Variants in CRADD observed in about 807,000 individuals in gnomAD.
CRADD encodes death domain-containing protein CRADD.
CRADD carries 9 observed loss-of-function variants against 15.5 expected under a neutral mutation model. The ratio of observed to expected loss-of-function variants is 0.58; its 90% confidence interval spans 0.35 to 1.01. The LOEUF (loss-of-function observed/expected upper bound fraction) is 1.01. Among genes scored for constraint, CRADD ranks in the 50% least tolerant of loss-of-function variants. The pLI, the probability that CRADD is intolerant of heterozygous loss-of-function variation, is 0.02. For synonymous variants in CRADD, 118 were observed against 107.6 expected, an observed-to-expected ratio of 1.10 and a Z score of -0.60; for missense variants, 227 against 250.3, an observed-to-expected ratio of 0.91 and a Z score of 0.63.
At chr12:93,794,337 A>C (rs1957387993) in intron 2 of CRADD, among the ~76,000 whole-genome samples, 1 of 152,148 alleles carries the variant, frequency 6.6e-6, no homozygotes, top group South Asian at 2.1e-4. Context: ...GGCATCTCAA[A>C]TTTAATGTAT....
At chr12:93,742,944 C>T (rs535178324) in intron 2 of CRADD, among the ~76,000 whole-genome samples, 25 of 152,290 alleles carry the variant, frequency 1.6e-4, no homozygotes, top group Admixed American at 7.8e-4. Flanking sequence ...CCAGAGGCTA[C>T]ACCAAAGTTC....
chr12:93,725,073 G>T (rs1322244484), intron 2 of CRADD, among the ~76,000 whole-genome samples: 1 of 152,054 alleles, frequency 6.6e-6, no homozygotes, highest in African/African-American at 2.4e-5. Context: ...TGTTAGCCAG[G>T]ATGGTCTCGA....
intron 2 of CRADD, among the ~76,000 whole-genome samples, chr12:93,816,914 C>T (rs1957707322): frequency 6.6e-6 from 1 of 152,220 alleles, no homozygotes; most frequent in South Asian, 2.1e-4. Flanking sequence ...GACGACGTAG[C>T]AGGGTTCAAG....
chr12:93,832,809 A>G (rs1207133943), intron 2 of CRADD, among the ~76,000 whole-genome samples: 2 of 152,240 alleles, frequency 1.3e-5, no homozygotes, highest in African/African-American at 4.8e-5. Context: ...GTTCACATAT[A>G]CGACTTCTAT....
intron 2 of CRADD, among the ~76,000 whole-genome samples, chr12:93,764,005 A>G (rs1956998874): frequency 6.6e-6 from 1 of 152,184 alleles, no homozygotes; most frequent in Admixed American, 6.5e-5. Context: ...TGACTGGTTC[A>G]GGGAATTTTA....
chr12:93,744,809 G>C (rs899541709), intron 2 of CRADD, among the ~76,000 whole-genome samples: 1 of 152,118 alleles, frequency 6.6e-6, no homozygotes, highest in Middle Eastern at 3.2e-3. Flanking sequence ...AGTAGTTGTT[G>C]CTTTTAAAAC....
intron 2 of CRADD, among the ~76,000 whole-genome samples, chr12:93,717,934 G>A (rs1956190910): frequency 6.6e-6 from 1 of 152,194 alleles, no homozygotes; most frequent in Non-Finnish European, 1.5e-5. Context: ...TGAACGGACT[G>A]TCTTTGCCCC....
chr12:93,697,629 C>T (rs151159460), intron 2 of CRADD, among the ~76,000 whole-genome samples: 222 of 152,184 alleles, frequency 1.5e-3, no homozygotes, highest in Non-Finnish European at 2.7e-3. Flanking sequence ...AAAGAGATAG[C>T]CAGTGTTTAT....
At chr12:93,777,426 A>G (rs752334471) in intron 2 of CRADD, among the ~76,000 whole-genome samples, 3 of 152,194 alleles carry the variant, frequency 2.0e-5, no homozygotes, top group Non-Finnish European at 4.4e-5. Context: ...TCCTTTGCTG[A>G]CCTAGAAATG....
rs570406056 is a variant in CRADD, at chr12:93,679,059, C to T, written c.285C>T (p.Thr95=). ...KLKKAREEAM[T]DLPAGDRLTG... Reference sequence around the variant, plus strand: ...AGAAGGCAAGGGAAGAGGCCATGACCGACCTGCCTGCAGGTAGGCCTCAGA... The same window carrying T: ...AGAAGGCAAGGGAAGAGGCCATGACTGACCTGCCTGCAGGTAGGCCTCAGA... The change falls in exon 2 of 3, where the codon ACC becomes ACT. Residue 95 remains threonine, a synonymous_variant. Transcript: ENST00000332896. The T allele has an allele frequency of 1.9e-5, 30 of 1,612,500 alleles. No individual in the cohort carries two copies. The African/African-American group carries it at 1.9e-4, about 10-fold the overall frequency.
intron 2 of CRADD, among the ~76,000 whole-genome samples, chr12:93,679,361 C>T (rs1308765465): frequency 6.6e-6 from 1 of 152,190 alleles, no homozygotes; most frequent in East Asian, 1.9e-4. Context: ...AGGCTGGTCT[C>T]GAACTCCGTA....
At chr12:93,717,858 A>T (rs998597398) in intron 2 of CRADD, among the ~76,000 whole-genome samples, 1 of 152,124 alleles carries the variant, frequency 6.6e-6, no homozygotes, top group Non-Finnish European at 1.5e-5. Flanking sequence ...GAAGGGTCTA[A>T]CATCTGTGCC....
At chr12:93,812,674 A>T (rs1957642766) in intron 2 of CRADD, among the ~76,000 whole-genome samples, 1 of 152,248 alleles carries the variant, frequency 6.6e-6, no homozygotes, top group Admixed American at 6.5e-5. Flanking sequence ...CTTTATAACC[A>T]GGGATTGTTT....
chr12:93,677,933 C>T, intron 1 of CRADD: 1 of 152,828 alleles, frequency 6.5e-6, no homozygotes. Flanking sequence ...GTCACTTAAC[C>T]TTCACTGCCT....
In CRADD at chr12:93,894,275, C is replaced by T. The variant is rs952922834; in HGVS notation, c.*158C>T. 10 of 364,094 alleles carry T rather than the reference C, an allele frequency of 2.7e-5. No individual in the cohort carries two copies. In the East Asian group the frequency reaches 3.3e-4, roughly 12 times the overall value. 22.6% of individuals were successfully genotyped at this position (364,094 alleles called of 1,614,324 possible). ...AATTCTGTGTATGTGTGTGGGTGGGCGGGGGGCAGGGGATTATGTTGGCAT... is the reference window on the plus strand; with the variant it reads ...AATTCTGTGTATGTGTGTGGGTGGGTGGGGGGCAGGGGATTATGTTGGCAT... On this transcript the variant is annotated 3_prime_UTR_variant, in exon 3 of 3. Coordinates refer to the CRADD transcript ENST00000548483.
At chr12:93,823,694 T>G (rs1013254836) in intron 2 of CRADD, among the ~76,000 whole-genome samples, 15 of 152,238 alleles carry the variant, frequency 9.9e-5, no homozygotes, top group Non-Finnish European at 2.2e-4. Context: ...AGAAGTAAGG[T>G]ATTTTTCCTT....
At chr12:93,801,831 T>C (rs1463402675) in intron 2 of CRADD, among the ~76,000 whole-genome samples, 3 of 152,184 alleles carry the variant, frequency 2.0e-5, no homozygotes, top group Non-Finnish European at 4.4e-5. Context: ...TCCAGTATGT[T>C]GTCTTTTATA....
chr12:93,805,426 T>G, intron 2 of CRADD, among the ~76,000 whole-genome samples: 1 of 152,044 alleles, frequency 6.6e-6, no homozygotes, highest in South Asian at 2.1e-4. Context: ...TTTCAATAAA[T>G]GTATATAAAA....
chr12:93,854,221 G>GT (rs1252533075), downstream of CRADD, among the ~76,000 whole-genome samples: 2 of 138,880 alleles, frequency 1.4e-5, no homozygotes, highest in African/African-American at 5.3e-5. Flanking sequence ...TCTGTGGTCA[G>GT]CTGGTGGGTT....
Sources: allele counts gnomAD v4.1 joint callset (sites outside exome capture counted in the v4.1 genomes callset), GRCh38; gene constraint gnomAD v4.1.1; transcripts MANE v1.5; gene names NCBI Gene and HGNC (gene_info 2026-07-23, HGNC 2026-07-21).